SPON1: variants seen among roughly 807,000 people sequenced by gnomAD.
SPON1 encodes spondin 1.
SPON1 carries 52 observed loss-of-function variants against 111.7 expected under a neutral mutation model. The ratio of observed to expected loss-of-function variants is 0.47; its 90% CI spans 0.37 to 0.59. The LOEUF is 0.59. SPON1 is among the 20% of genes least tolerant of loss of function. SPON1 has a pLI of 0.00. For missense variants in SPON1, 957 were observed against 1,068.5 expected, an observed-to-expected ratio of 0.90 and a Z score of 1.46; for synonymous variants, 410 against 395.8, an observed-to-expected ratio of 1.04 and a Z score of -0.43.
At chr11:14,041,313 C>T (rs1382188035) in intron 2 of SPON1, among the ~76,000 whole-genome samples, 2 of 152,090 alleles carry the variant, frequency 1.3e-5, no homozygotes, top group Non-Finnish European at 2.9e-5. Context: ...CAAAGATGTG[C>T]CCAGTCTGCG....
intron 5 of SPON1, among the ~76,000 whole-genome samples, chr11:14,109,913 C>T (rs1370689480): frequency 6.6e-6 from 1 of 152,210 alleles, no homozygotes; most frequent in Non-Finnish European, 1.5e-5. Context: ...AGAGTTATCT[C>T]TTCCTCTGGG....
In SPON1 at chr11:13,962,999, A is replaced by G. The variant is rs1208367782; in HGVS notation, c.95A>G (p.Glu32Gly). 6.3e-7 allele frequency: 1 copy of G among 1,594,722 alleles called. No individual in the cohort carries two copies. Among genetic ancestry groups the G allele is most frequent in the Non-Finnish European group, 8.5e-7 (1 of 1,171,736 alleles). ...PLAAALAFSD[E>G]TLDKVPKSEG... ...GCCGCGGCGCTGGCCTTCTCCGACG[A>G]GACCCTGGACAAAGTGCCCAAGTCA... The change falls in exon 1 of 16, where the codon GAG (glutamate) becomes GGG (glycine). Residue 32 changes from glutamate to glycine, a missense_variant. Coordinates refer to ENST00000576479, the MANE Select transcript of SPON1 (RefSeq NM_006108.4).
intron 1 of SPON1, among the ~76,000 whole-genome samples, chr11:13,966,619 T>G (rs1161708271): frequency 1.3e-5 from 2 of 151,834 alleles, no homozygotes; most frequent in Admixed American, 6.6e-5. Context: ...AATTGAGGGG[T>G]TTATCCTAAA....
At chr11:14,022,452 G>A (rs1344181409) in intron 2 of SPON1, among the ~76,000 whole-genome samples, 3 of 152,172 alleles carry the variant, frequency 2.0e-5, no homozygotes, top group Admixed American at 6.5e-5. Context: ...GATACACTTA[G>A]CAAAGCAAGA....
chr11:14,131,560 C>T (rs1554927513), intron 5 of SPON1, among the ~76,000 whole-genome samples: 1 of 152,210 alleles, frequency 6.6e-6, no homozygotes. Flanking sequence ...TGGATTGGTG[C>T]TTCATATCTG....
chr11:14,015,926 A>G (rs1318434841), intron 2 of SPON1, among the ~76,000 whole-genome samples: 1 of 152,216 alleles, frequency 6.6e-6, no homozygotes, highest in African/African-American at 2.4e-5. Context: ...TCATGTTGCC[A>G]CGGATTCTAG....
chr11:14,136,146 G>A (rs190137560), intron 6 of SPON1, among the ~76,000 whole-genome samples: 1 of 152,238 alleles, frequency 6.6e-6, no homozygotes, highest in East Asian at 1.9e-4. Context: ...CAATTCATTT[G>A]GCTGACAGTG....
chr11:14,152,448 G>C (rs1730173260), intron 6 of SPON1, among the ~76,000 whole-genome samples: 1 of 152,228 alleles, frequency 6.6e-6, no homozygotes, highest in Non-Finnish European at 1.5e-5. Context: ...ATTGATCCAT[G>C]TATGTTATGG....
intron 3 of SPON1, among the ~76,000 whole-genome samples, chr11:14,063,734 G>T (rs976615653): frequency 6.6e-6 from 1 of 152,196 alleles, no homozygotes; most frequent in African/African-American, 2.4e-5. Context: ...TTTTTTATAA[G>T]AAAGCTCTGT....
At chr11:14,167,230 G>A (rs1848041170) in intron 6 of SPON1, among the ~76,000 whole-genome samples, 1 of 152,000 alleles carries the variant, frequency 6.6e-6, no homozygotes, top group African/African-American at 2.4e-5. Flanking sequence ...GGACTTTAGA[G>A]GACCTAACAT....
At chr11:13,970,971 A>G (rs1405058018) in intron 1 of SPON1, among the ~76,000 whole-genome samples, 1 of 152,250 alleles carries the variant, frequency 6.6e-6, no homozygotes, top group Non-Finnish European at 1.5e-5. Context: ...GCCTGGGCAT[A>G]GCAGGCATTA....
chr11:14,198,835 G>C (rs1848430881), intron 6 of SPON1, among the ~76,000 whole-genome samples: 1 of 152,124 alleles, frequency 6.6e-6, no homozygotes, highest in Admixed American at 6.5e-5. Flanking sequence ...TGCTACATTT[G>C]CTTTTTTACT....
At chr11:14,063,673 G>A (rs537097059) in intron 3 of SPON1, among the ~76,000 whole-genome samples, 1 of 152,218 alleles carries the variant, frequency 6.6e-6, no homozygotes, top group Admixed American at 6.5e-5. Context: ...GAAACATGGG[G>A]CAACTCAATG....
intron 6 of SPON1, among the ~76,000 whole-genome samples, chr11:14,149,422 C>T (rs112218815): frequency 0.081 from 12,258 of 151,840 alleles, 653 homozygotes; most frequent in East Asian, 0.19. Context: ...TTATTACAGT[C>T]GTTAAAAAGG....
At chr11:14,098,488 T>G (rs1849119272) in intron 5 of SPON1, among the ~76,000 whole-genome samples, 1 of 152,192 alleles carries the variant, frequency 6.6e-6, no homozygotes, top group South Asian at 2.1e-4. Flanking sequence ...TCACAAAGCA[T>G]TATATTTTTG....
chr11:14,121,578 A>AT (rs1361235281), intron 5 of SPON1, among the ~76,000 whole-genome samples: 3 of 151,546 alleles, frequency 2.0e-5, no homozygotes, highest in East Asian at 1.9e-4. Flanking sequence ...TTGATGGAAG[A>AT]TTTTTTTTTC....
At chr11:13,976,571 T>C (rs1270197439) in intron 1 of SPON1, among the ~76,000 whole-genome samples, 4 of 152,218 alleles carry the variant, frequency 2.6e-5, no homozygotes, top group African/African-American at 9.6e-5. Flanking sequence ...ACCTTAGCTT[T>C]CTAGAACCTA....
rs782606293 is a variant in SPON1 at position 14,260,790 on chromosome 11, G to A, written c.1996+38G>A. On this transcript the variant is annotated intron_variant, in intron 14 of 15. Coordinates refer to ENST00000576479, the MANE Select transcript of SPON1 (RefSeq NM_006108.4). The stretch of plus-strand genomic sequence containing the variant: ...GCTCCTCAAGGCCCATCACTTCTAT[G>A]TTCCTGAGTCCAGGGAGCCCCGAAC... 17 of 1,595,812 alleles carry A rather than the reference G, an allele frequency of 1.1e-5. No individual in the cohort carries two copies. In the East Asian group the frequency reaches 3.8e-4, roughly 36 times the overall value.
At chr11:14,004,933 A>G (rs1848347525) in intron 2 of SPON1, among the ~76,000 whole-genome samples, 2 of 152,200 alleles carry the variant, frequency 1.3e-5, no homozygotes. Context: ...GGGTCTCCTG[A>G]GTAGTTGGGA....
Sources: gnomAD v4.1 joint callset for allele counts (sites outside exome capture counted in the v4.1 genomes callset) on GRCh38, gnomAD v4.1.1 for gene constraint, MANE v1.5 for transcripts, NCBI Gene and HGNC (gene_info 2026-07-23, HGNC 2026-07-21) for gene names.